OR56A3: variants seen among roughly 807,000 people sequenced by gnomAD.
OR56A3 encodes olfactory receptor family 56 subfamily A member 3.
Under a neutral mutation model 17.5 loss-of-function variants are expected in OR56A3, and 23 were observed. The ratio of observed to expected loss-of-function variants is 1.32; its 90% CI spans 0.95 to 1.87. OR56A3 has a LOEUF of 1.87. Among genes scored for constraint, OR56A3 ranks in the 40% most tolerant of loss-of-function variants. The pLI, the probability that OR56A3 is intolerant of heterozygous loss-of-function variation, is 0.00. For synonymous variants in OR56A3, 175 were observed against 150.6 expected (o/e 1.16, Z -1.19); for missense variants, 366 against 380.1 (o/e 0.96, Z 0.31).
At chr11:5,995,761 CTT>C in the OR56A3 span, among the ~76,000 whole-genome samples, 2 of 152,188 alleles carry the variant, frequency 1.3e-5, no homozygotes, top group Non-Finnish European at 2.9e-5. Context: ...CGTTCACTAT[CTT>C]TTCATTTTTC....
the OR56A3 span, among the ~76,000 whole-genome samples, chr11:5,969,887 C>A: frequency 4.3e-4 from 65 of 151,814 alleles, no homozygotes; most frequent in Non-Finnish European, 8.2e-4. Context: ...GAAAAATGGG[C>A]ATATTTTAGA....
At chr11:5,956,340 T>TA (rs1396349319), downstream of OR56A3, among the ~76,000 whole-genome samples, 3 of 152,184 alleles carry the variant, frequency 2.0e-5, no homozygotes, top group Non-Finnish European at 4.4e-5. Flanking sequence ...TGTGTTTATG[T>TA]AAAATTAAAT....
chr11:5,959,327 C>T, the OR56A3 span, among the ~76,000 whole-genome samples: 5 of 151,882 alleles, frequency 3.3e-5, no homozygotes, highest in Non-Finnish European at 7.4e-5. Context: ...TTTTGTTTTC[C>T]TTTTTGTTTT....
At chr11:6,021,713 A>G in the OR56A3 span, 3 of 152,052 alleles carry the variant, frequency 2.0e-5, no homozygotes, top group Non-Finnish European at 4.4e-5. Context: ...ACAAACCCCC[A>G]AAGGCAGATG....
At chr11:5,969,020 T>C in the OR56A3 span, among the ~76,000 whole-genome samples, 1 of 152,170 alleles carries the variant, frequency 6.6e-6, no homozygotes, top group African/African-American at 2.4e-5. Flanking sequence ...ATATATAATA[T>C]ACTCCCAACC....
chr11:5,961,721 G>A, the OR56A3 span, among the ~76,000 whole-genome samples: 258 of 137,470 alleles, frequency 1.9e-3, no homozygotes, highest in Admixed American at 4.0e-3. Context: ...CCCCCTCTCC[G>A]AGAAACACCC....
At chr11:5,985,944 A>G in the OR56A3 span, 2 of 1,603,034 alleles carry the variant, frequency 1.2e-6, no homozygotes, top group Non-Finnish European at 1.7e-6. Context: ...GTTCAGATCA[A>G]TCCTTTTGTG....
the OR56A3 span, among the ~76,000 whole-genome samples, chr11:6,015,449 C>T: frequency 6.6e-6 from 1 of 152,206 alleles, no homozygotes; most frequent in African/African-American, 2.4e-5. Context: ...TGGGACACTG[C>T]CTAGTGGAGC....
chr11:6,003,649 A>G, the OR56A3 span, among the ~76,000 whole-genome samples: 2 of 152,216 alleles, frequency 1.3e-5, no homozygotes, highest in Admixed American at 1.3e-4. Context: ...ACTCAGGGAG[A>G]CATGGAGAGA....
At chr11:5,992,715 G>C in the OR56A3 span, among the ~76,000 whole-genome samples, 2 of 152,120 alleles carry the variant, frequency 1.3e-5, no homozygotes, top group African/African-American at 4.8e-5. Flanking sequence ...GAGATGGGCT[G>C]AGGCCTTCTC....
the OR56A3 span, chr11:6,002,230 T>C: frequency 6.2e-7 from 1 of 1,614,114 alleles, no homozygotes; most frequent in Non-Finnish European, 8.5e-7. Flanking sequence ...AGGACTGTGC[T>C]GAAGAAGAGG....
the OR56A3 span, among the ~76,000 whole-genome samples, chr11:5,984,974 A>C: frequency 6.6e-6 from 1 of 152,192 alleles, no homozygotes; most frequent in South Asian, 2.1e-4. Flanking sequence ...CAATATATCA[A>C]TTGTAGCAGT....
At chr11:5,944,292 A>T (rs891702167) in intron 1 of OR56A3, among the ~76,000 whole-genome samples, 10 of 152,232 alleles carry the variant, frequency 6.6e-5, no homozygotes, top group African/African-American at 2.2e-4. Context: ...TTGTTCCTTA[A>T]GAGTCAAAAC....
At chr11:5,960,320 G>T in the OR56A3 span, among the ~76,000 whole-genome samples, 1 of 151,896 alleles carries the variant, frequency 6.6e-6, no homozygotes, top group African/African-American at 2.4e-5. Flanking sequence ...GCTGAGGCTG[G>T]ACTGTACTGC....
At chr11:6,018,078 C>T in the OR56A3 span, among the ~76,000 whole-genome samples, 235 of 151,784 alleles carry the variant, frequency 1.5e-3, 1 homozygote, top group African/African-American at 5.2e-3. Flanking sequence ...AACACTGTAG[C>T]ACCCAGATAT....
At chr11:5,974,861 G>A in the OR56A3 span, among the ~76,000 whole-genome samples, 1 of 152,176 alleles carries the variant, frequency 6.6e-6, no homozygotes, top group Non-Finnish European at 1.5e-5. Context: ...TATATAAATA[G>A]CACTTAAAAC....
the OR56A3 span, among the ~76,000 whole-genome samples, chr11:6,007,483 A>G: frequency 6.6e-6 from 1 of 152,216 alleles, no homozygotes; most frequent in African/African-American, 2.4e-5. Flanking sequence ...AACGATGTAA[A>G]GCAATGGATG....
the OR56A3 span, chr11:5,968,076 G>A: frequency 6.2e-7 from 1 of 1,613,172 alleles, no homozygotes; most frequent in African/African-American, 1.3e-5. Context: ...AAATTGATCA[G>A]TGATGATGGA....
the OR56A3 span, among the ~76,000 whole-genome samples, chr11:5,990,857 A>T: frequency 2.0e-5 from 3 of 152,184 alleles, no homozygotes; most frequent in Non-Finnish European, 2.9e-5. Flanking sequence ...GGGAGACTGC[A>T]ACACAGAGAG....
Sources: allele counts gnomAD v4.1 joint callset (sites outside exome capture counted in the v4.1 genomes callset), GRCh38; gene constraint gnomAD v4.1.1; transcripts MANE v1.5; gene names NCBI Gene and HGNC (gene_info 2026-07-23, HGNC 2026-07-21).